The following LRP1B variants were observed in gnomAD, a reference collection of about 807,000 sequenced individuals.
LRP1B encodes the protein low-density lipoprotein receptor-related protein 1B.
A neutral mutation model predicts 556.6 loss-of-function variants in LRP1B; 217 were observed. That is an observed-to-expected ratio of 0.39 (90% CI 0.35 to 0.44). The LOEUF is 0.44. LRP1B is among the 20% of genes least tolerant of loss of function. The pLI is 1.00. For synonymous variants in LRP1B, 2,047 were observed against 1,865.8 expected (o/e 1.10, Z -2.50); for missense variants, 5,053 against 5,620.8 (o/e 0.90, Z 3.23).
chr2:140,626,764 C>G (rs769239707), intron 41 of LRP1B, among the ~76,000 whole-genome samples: 29 of 146,400 alleles, frequency 2.0e-4, no homozygotes, highest in Admixed American at 6.8e-4. Flanking sequence ...AAAAATATAT[C>G]CAAAATATTC....
intron 1 of LRP1B, among the ~76,000 whole-genome samples, chr2:142,070,135 C>T (rs886857125): frequency 7.2e-5 from 11 of 151,734 alleles, no homozygotes; most frequent in Non-Finnish European, 1.6e-4. Flanking sequence ...ATCAATAAAA[C>T]TCTTCTTTTT....
chr2:142,084,079 A>C (rs1705821775), intron 1 of LRP1B, among the ~76,000 whole-genome samples: 1 of 150,868 alleles, frequency 6.6e-6, no homozygotes, highest in African/African-American at 2.4e-5. Flanking sequence ...TCCTGGATTC[A>C]AGCGATTCTT....
chr2:141,224,227 C>T lies in LRP1B; in HGVS notation c.850+4956G>A, dbSNP rs117181661. 3.5e-4 allele frequency among the ~76,000 whole-genome samples: 53 copies of T among 151,954 alleles called. 2 individuals are homozygous for T. The East Asian group carries it at 9.3e-3, about 27-fold the overall frequency. Reference sequence around the variant, plus strand: ...CCTCAAAAGATGACATGTATATGGCCAGCAAACATGTGGAAAATAGCTCAA... The same window carrying T: ...CCTCAAAAGATGACATGTATATGGCTAGCAAACATGTGGAAAATAGCTCAA... On this transcript the variant is annotated intron_variant, in intron 6 of 90. Transcript: ENST00000389484.
chr2:140,533,121 G>C (rs1690793401), intron 47 of LRP1B, among the ~76,000 whole-genome samples: 2 of 151,608 alleles, frequency 1.3e-5, no homozygotes, highest in African/African-American at 4.8e-5. Context: ...GGAAATATCT[G>C]TGGGGTCCAG....
chr2:141,454,974 AT>A (rs201551889), intron 3 of LRP1B, among the ~76,000 whole-genome samples: 4 of 151,898 alleles, frequency 2.6e-5, no homozygotes, highest in African/African-American at 7.3e-5. Flanking sequence ...TTGTAAATGT[AT>A]TTTTTTTCTT....
chr2:140,356,180 C>T (rs1014393085), intron 75 of LRP1B, among the ~76,000 whole-genome samples, 162 bp downstream of exon 75: 1 of 151,828 alleles, frequency 6.6e-6, no homozygotes, highest in Non-Finnish European at 1.5e-5. Flanking sequence ...CACAAACAAG[C>T]TCTTGACCCC....
At chr2:141,720,391 A>G (rs1437482938) in intron 2 of LRP1B, among the ~76,000 whole-genome samples, 3 of 152,152 alleles carry the variant, frequency 2.0e-5, no homozygotes, top group Non-Finnish European at 4.4e-5. Flanking sequence ...AATGAATGGT[A>G]TAACATTTTC....
intron 35 of LRP1B, among the ~76,000 whole-genome samples, chr2:140,728,889 T>G (rs1687683888): frequency 6.6e-6 from 1 of 152,092 alleles, no homozygotes; most frequent in Admixed American, 6.5e-5. Context: ...GTAATAGAAC[T>G]GTGAAGATTA....
At chr2:141,772,960 TAA>T (rs1694950233) in intron 2 of LRP1B, among the ~76,000 whole-genome samples, 1 of 152,164 alleles carries the variant, frequency 6.6e-6, no homozygotes. Flanking sequence ...CCTCTTTTGT[TAA>T]AAGACATCTC....
At chr2:140,420,305 A>G (rs1685382617) in intron 66 of LRP1B, among the ~76,000 whole-genome samples, 1 of 152,192 alleles carries the variant, frequency 6.6e-6, no homozygotes, top group African/African-American at 2.4e-5. Flanking sequence ...GCTGTAAAAT[A>G]TCATTAGTAA....
chr2:140,364,057 G>A (rs1024383276), intron 72 of LRP1B, among the ~76,000 whole-genome samples: 6 of 151,604 alleles, frequency 4.0e-5, no homozygotes, highest in South Asian at 4.2e-4. Context: ...AGCATACACC[G>A]GACAAATGTC....
chr2:140,713,481 T>C (rs1376806986), intron 37 of LRP1B, among the ~76,000 whole-genome samples: 1 of 152,092 alleles, frequency 6.6e-6, no homozygotes, highest in Admixed American at 6.6e-5. Context: ...AAAGATTCTT[T>C]ATGTTAAAGA....
intron 66 of LRP1B, among the ~76,000 whole-genome samples, chr2:140,417,666 G>A (rs1685258351): frequency 6.6e-6 from 1 of 152,146 alleles, no homozygotes; most frequent in Admixed American, 6.5e-5. Flanking sequence ...CAGATGGAGT[G>A]GCTGCCATGA....
chr2:141,982,524 A>G (rs568303883), intron 1 of LRP1B, among the ~76,000 whole-genome samples: 218 of 152,282 alleles, frequency 1.4e-3, no homozygotes, highest in African/African-American at 4.5e-3. Context: ...TTCATTCTTA[A>G]TTATATTTGA....
intron 77 of LRP1B, among the ~76,000 whole-genome samples, chr2:140,339,235 G>A (rs1299017995): frequency 2.6e-5 from 4 of 151,536 alleles, no homozygotes; most frequent in African/African-American, 9.7e-5. Context: ...AGATTGTAAG[G>A]TATCTGTCAC....
At chr2:140,994,757 T>A (rs547487586) in intron 15 of LRP1B, among the ~76,000 whole-genome samples, 13 of 152,030 alleles carry the variant, frequency 8.6e-5, no homozygotes, top group Admixed American at 2.0e-4. Context: ...CCTAAAATTT[T>A]ACATACTTTA....
At chr2:141,127,259 GGACA>G in intron 7 of LRP1B, among the ~76,000 whole-genome samples, 1 of 152,260 alleles carries the variant, frequency 6.6e-6, no homozygotes, top group Admixed American at 6.5e-5. Flanking sequence ...GAGAGGATGT[GGACA>G]GATAGGAACG....
At chr2:140,285,940 C>T (rs1683131080) in intron 84 of LRP1B, among the ~76,000 whole-genome samples, 1 of 151,768 alleles carries the variant, frequency 6.6e-6, no homozygotes, top group Non-Finnish European at 1.5e-5. Context: ...AGCCTCTGAC[C>T]TTTCTCTTTA....
Position 141,013,587 on chromosome 2 carries a change from C to G in LRP1B, c.2349G>C (p.Gly783=), listed in dbSNP as rs773322467. ...LLRHERPPLF[G]LQIYDPRKQQ... ...GCTTTCGTGGATCATAAATCTGAAG[C>G]CCAAATAGGGGTGGTCTTTCATGCC... is the stretch of plus-strand genomic sequence containing the variant. Residue 783 remains glycine, a synonymous_variant, in exon 14 of 91, where the codon GGG becomes GGC. Transcript: ENST00000389484. 6.2e-7 allele frequency: 1 copy of G among 1,609,274 alleles called. No homozygotes were observed. The highest frequency in any genetic ancestry group is 8.5e-7 in the Non-Finnish European group (1 of 1,178,032).
Sources: gnomAD v4.1 joint callset for allele counts (sites outside exome capture counted in the v4.1 genomes callset) on GRCh38, gnomAD v4.1.1 for gene constraint, MANE v1.5 for transcripts, NCBI Gene and HGNC (gene_info 2026-07-23, HGNC 2026-07-21) for gene names.